The following NAALADL2 variants were observed in gnomAD, a reference collection of about 807,000 sequenced individuals.
NAALADL2 encodes N-acetylated alpha-linked acidic dipeptidase like 2.
A neutral mutation model predicts 87.2 loss-of-function variants in NAALADL2; 76 were observed. The ratio of observed to expected loss-of-function variants is 0.87; its 90% CI spans 0.72 to 1.05. The LOEUF (loss-of-function observed/expected upper bound fraction) is 1.05. Among genes scored for constraint, NAALADL2 ranks in the 50% least tolerant of loss-of-function variants. The probability of loss-of-function intolerance (pLI) is 0.00; values close to 1 mark genes in which losing one functional copy is unlikely to be tolerated. For synonymous variants in NAALADL2, 354 were observed against 331.0 expected (o/e 1.07, Z -0.75); for missense variants, 1,089 against 945.8 (o/e 1.15, Z -1.99).
intron 9 of NAALADL2, among the ~76,000 whole-genome samples, chr3:175,521,286 AG>A (rs1348493584): frequency 6.6e-6 from 1 of 152,126 alleles, no homozygotes; most frequent in East Asian, 1.9e-4. Flanking sequence ...TTGAGACAAA[AG>A]AAATGATATT....
At chr3:175,010,691 T>C (rs945326502) in intron 1 of NAALADL2, among the ~76,000 whole-genome samples, 18 of 152,192 alleles carry the variant, frequency 1.2e-4, no homozygotes, top group African/African-American at 4.3e-4. Flanking sequence ...GAGATCTTCT[T>C]GCCTATGTCT....
chr3:174,702,987 G>A (rs891211166), intron 2 of NAALADL2, among the ~76,000 whole-genome samples: 13 of 152,224 alleles, frequency 8.5e-5, no homozygotes, highest in African/African-American at 2.9e-4. Context: ...AGAAAACAAA[G>A]AGCTGAAAAA....
chr3:174,665,013 C>T (rs1385336728), intron 2 of NAALADL2, among the ~76,000 whole-genome samples: 3 of 152,186 alleles, frequency 2.0e-5, no homozygotes, highest in South Asian at 2.1e-4. Flanking sequence ...TGCTGTTTTT[C>T]ATTTTCTAAA....
chr3:174,754,418 AT>A (rs1168789642), intron 3 of NAALADL2, among the ~76,000 whole-genome samples: 3 of 151,674 alleles, frequency 2.0e-5, no homozygotes, highest in Non-Finnish European at 4.4e-5. Context: ...TTAACAAAGT[AT>A]AAAATAAGGA....
chr3:175,139,962 A>T (rs1729745820), intron 2 of NAALADL2, among the ~76,000 whole-genome samples: 1 of 149,014 alleles, frequency 6.7e-6, no homozygotes, highest in Admixed American at 6.6e-5. Flanking sequence ...TGGACAAAAA[A>T]GGATTGAATT....
intron 1 of NAALADL2, among the ~76,000 whole-genome samples, chr3:175,085,738 T>C (rs1718762646): frequency 6.6e-6 from 1 of 152,104 alleles, no homozygotes; most frequent in South Asian, 2.1e-4. Context: ...GCCAACATGG[T>C]GAAACCCTGT....
At chr3:174,658,025 C>T (rs1725143223) in intron 2 of NAALADL2, among the ~76,000 whole-genome samples, 1 of 152,138 alleles carries the variant, frequency 6.6e-6, no homozygotes, top group East Asian at 1.9e-4. Context: ...TATTCATTCA[C>T]CTACTGAAGG....
chr3:174,872,443 G>A, intron 1 of NAALADL2, among the ~76,000 whole-genome samples: 1 of 152,290 alleles, frequency 6.6e-6, no homozygotes, highest in South Asian at 2.1e-4. Flanking sequence ...CTTGAATAGA[G>A]ATAGGCTCCT....
intron 1 of NAALADL2, among the ~76,000 whole-genome samples, chr3:175,069,191 C>T (rs1005420428): frequency 5.4e-5 from 8 of 149,382 alleles, no homozygotes; most frequent in African/African-American, 2.1e-4. Flanking sequence ...AGCTTCAGCA[C>T]AGCAAAAGAA....
At chr3:174,480,991 AGAT>A (rs1717512315) in intron 1 of NAALADL2, among the ~76,000 whole-genome samples, 1 of 152,134 alleles carries the variant, frequency 6.6e-6, no homozygotes, top group Non-Finnish European at 1.5e-5. Context: ...GGACACTAGA[AGAT>A]GATACCAATC....
chr3:175,467,623 A>T (rs935427466), intron 8 of NAALADL2, among the ~76,000 whole-genome samples: 1 of 152,158 alleles, frequency 6.6e-6, no homozygotes, highest in East Asian at 1.9e-4. Context: ...CAATATGGAT[A>T]TTGAATGTAA....
intron 2 of NAALADL2, among the ~76,000 whole-genome samples, chr3:174,567,440 C>G (rs1337370703): frequency 1.3e-5 from 2 of 151,314 alleles, no homozygotes; most frequent in African/African-American, 4.8e-5. Flanking sequence ...ACATTAGGCA[C>G]TGAACTTCTA....
chr3:174,526,829 C>A (rs6802131), intron 1 of NAALADL2, among the ~76,000 whole-genome samples: 102,243 of 151,652 alleles, frequency 0.67, 34,636 homozygotes, highest in East Asian at 0.87. Context: ...GGCATGTGCC[C>A]CCACACCCAG....
At chr3:175,626,566 A>G (rs548879459) in intron 10 of NAALADL2, among the ~76,000 whole-genome samples, 3 of 152,020 alleles carry the variant, frequency 2.0e-5, no homozygotes, top group Admixed American at 2.0e-4. Flanking sequence ...GAAACCAGGT[A>G]TCTCCGAAAT....
intron 3 of NAALADL2, among the ~76,000 whole-genome samples, chr3:174,830,573 T>G (rs1447533540): frequency 6.6e-6 from 1 of 151,874 alleles, no homozygotes; most frequent in Non-Finnish European, 1.5e-5. Flanking sequence ...TTCTTTTGGC[T>G]TAGGATTGAC....
intron 9 of NAALADL2, among the ~76,000 whole-genome samples, chr3:175,548,449 G>A (rs1713758640): frequency 6.6e-6 from 1 of 151,788 alleles, no homozygotes; most frequent in Non-Finnish European, 1.5e-5. Flanking sequence ...ATAACTAATG[G>A]GTACCAGGCT....
At chr3:174,657,007 C>T (rs1416443108) in intron 2 of NAALADL2, among the ~76,000 whole-genome samples, 7 of 149,670 alleles carry the variant, frequency 4.7e-5, no homozygotes, top group Non-Finnish European at 4.4e-5. Flanking sequence ...TCCTTTTTTC[C>T]TTCCTCTCTC....
chr3:175,721,295 T>C (rs1437026845), intron 11 of NAALADL2, among the ~76,000 whole-genome samples: 2 of 152,066 alleles, frequency 1.3e-5, no homozygotes, highest in Non-Finnish European at 2.9e-5. Context: ...GTCAAGCTAA[T>C]ATACTTCAAG....
intron 2 of NAALADL2, among the ~76,000 whole-genome samples, chr3:174,673,866 TATTTGATC>T (rs1356385768): frequency 2.0e-5 from 3 of 152,070 alleles, no homozygotes; most frequent in Non-Finnish European, 2.9e-5. Flanking sequence ...TAAATACCCT[TATTTGATC>T]ATTACACAAT....
Sources: gnomAD v4.1 joint callset for allele counts (sites outside exome capture counted in the v4.1 genomes callset) on GRCh38, gnomAD v4.1.1 for gene constraint, MANE v1.5 for transcripts, NCBI Gene and HGNC (gene_info 2026-07-23, HGNC 2026-07-21) for gene names.